ANO2: variants seen among roughly 807,000 people sequenced by gnomAD.
ANO2 encodes anoctamin 2, also known as anoctamin-2.
In ANO2, 101 loss-of-function variants were observed where a neutral mutation model predicts 124.2. The ratio of observed to expected loss-of-function variants is 0.81; its 90% CI spans 0.69 to 0.96. The LOEUF is 0.96. Ranked by LOEUF, ANO2 falls within the 40% of genes least tolerant of loss-of-function variation. The pLI, the probability that ANO2 is intolerant of heterozygous loss-of-function variation, is 0.00. For synonymous variants in ANO2, 486 were observed against 482.5 expected (o/e 1.01, Z -0.09); for missense variants, 1,293 against 1,274.5 (o/e 1.01, Z -0.22).
At chr12:5,933,648 C>T (rs538100993) in intron 1 of ANO2, among the ~76,000 whole-genome samples, 4 of 152,302 alleles carry the variant, frequency 2.6e-5, no homozygotes, top group South Asian at 4.1e-4. Flanking sequence ...TGTCTTGAGG[C>T]TTACAAACAA....
intron 1 of ANO2, among the ~76,000 whole-genome samples, chr12:5,923,244 G>GCACACA (rs1941903495): frequency 9.1e-6 from 1 of 110,402 alleles, no homozygotes; most frequent in African/African-American, 3.8e-5. Flanking sequence ...ATACACACAC[G>GCACACA]CATACACACA....
At chr12:5,896,778 A>T (rs1369924107) in intron 3 of ANO2, among the ~76,000 whole-genome samples, 1 of 152,208 alleles carries the variant, frequency 6.6e-6, no homozygotes, top group Non-Finnish European at 1.5e-5. Flanking sequence ...TGAAGCCCCA[A>T]CTGGTTGGGA....
intron 3 of ANO2, among the ~76,000 whole-genome samples, chr12:5,881,993 T>TG (rs1938534049): frequency 4.0e-5 from 6 of 151,812 alleles, no homozygotes; most frequent in Admixed American, 3.9e-4. Flanking sequence ...TAGAGATGAG[T>TG]GGGTGGGTGG....
At position 5,635,355 on chromosome 12, in the gene ANO2, G is replaced by T; in HGVS notation, c.1621-8C>A. ...TGAGAATGTCAGGGCAATCTGTTTG[G>T]GAAAACAGAGAGAAGTACACATCAG... On this transcript the variant is annotated splice_region_variant and splice_polypyrimidine_tract_variant and intron_variant, in intron 15 of 24. Coordinates refer to ENST00000682330, the MANE Select transcript of ANO2 (RefSeq NM_001364791.2). The surrounding 1 kb of genome is among the most constrained non-coding windows in gnomAD (Gnocchi z 5.2). 6.5e-7 allele frequency: 1 copy of T among 1,544,154 alleles called. No individual in the cohort carries two copies. The highest frequency in any genetic ancestry group is 8.7e-7 in the Non-Finnish European group (1 of 1,149,502).
intron 13 of ANO2, 27 bp from the exon 14 acceptor site, chr12:5,732,657 G>A (rs368811441): frequency 3.1e-5 from 49 of 1,597,478 alleles, no homozygotes; most frequent in Non-Finnish European, 4.0e-5. Flanking sequence ...TGAGTGGTTA[G>A]TAAACAAAAG....
chr12:5,694,716 G>C (rs933936385), intron 14 of ANO2, among the ~76,000 whole-genome samples: 7 of 152,270 alleles, frequency 4.6e-5, no homozygotes, highest in Middle Eastern at 3.4e-3. Context: ...CAAAGGAGTA[G>C]GTTTCTGGTT....
At chr12:5,656,896 T>C (rs977459603) in intron 14 of ANO2, among the ~76,000 whole-genome samples, 1 of 152,228 alleles carries the variant, frequency 6.6e-6, no homozygotes, top group African/African-American at 2.4e-5. Flanking sequence ...TTCTCATCCC[T>C]GTCTTCATGG....
chr12:5,648,143 G>A lies in ANO2; in HGVS notation c.1546-342C>T, dbSNP rs189493979. 7.2e-5 allele frequency among the ~76,000 whole-genome samples: 11 copies of A among 152,202 alleles called. No homozygotes were observed. The East Asian group carries it at 1.4e-3, about 19-fold the overall frequency. On this transcript the variant is annotated intron_variant, in intron 14 of 24. Coordinates refer to ENST00000682330, the MANE Select transcript of ANO2 (RefSeq NM_001364791.2). ...ATTTTTTCATCTGTAAATTGGGCAC[G>A]GTAGTGATACCTGCCCTGCCTACTA...
In ANO2 at chr12:5,658,882, T is replaced by G. The variant is rs1300954788; in HGVS notation, c.1546-11081A>C. On this transcript the variant is annotated intron_variant, in intron 14 of 24. Coordinates refer to ENST00000682330, the MANE Select transcript of ANO2 (RefSeq NM_001364791.2). The surrounding 1 kb of genome is among the most constrained non-coding windows in gnomAD (Gnocchi z 4.3). The stretch of plus-strand genomic sequence containing the variant: ...AATATCATCATCATCATCAACATCA[T>G]TATCATCATTAAAATCATCATCAGC... Among the ~76,000 whole-genome samples, 13 of 152,122 alleles carry G rather than the reference T, an allele frequency of 8.5e-5. No individual in the cohort carries two copies. Among genetic ancestry groups the G allele is most frequent in the Non-Finnish European group, 1.6e-4 (11 of 68,020 alleles).
At chr12:5,618,887 G>A (rs767943353) in intron 16 of ANO2, among the ~76,000 whole-genome samples, 17 of 152,156 alleles carry the variant, frequency 1.1e-4, no homozygotes, top group Non-Finnish European at 2.4e-4. Flanking sequence ...ATCATCTCCC[G>A]TCTCATGGCA....
At chr12:5,896,448 G>A (rs1939797399) in intron 3 of ANO2, among the ~76,000 whole-genome samples, 1 of 152,128 alleles carries the variant, frequency 6.6e-6, no homozygotes, top group Non-Finnish European at 1.5e-5. Context: ...TTAAAATCCT[G>A]ATTAGTATTC....
chr12:5,689,950 T>C (rs1948860971), intron 14 of ANO2, among the ~76,000 whole-genome samples: 1 of 152,210 alleles, frequency 6.6e-6, no homozygotes, highest in South Asian at 2.1e-4. Context: ...GACAAACTCC[T>C]ATAGTGACTG....
intron 14 of ANO2, among the ~76,000 whole-genome samples, chr12:5,673,126 G>T (rs1411985898): frequency 1.3e-5 from 2 of 152,188 alleles, no homozygotes; most frequent in Non-Finnish European, 2.9e-5. Flanking sequence ...ATACAAATGT[G>T]TGTGCATGTT....
At chr12:5,752,217 T>C (rs1213058820) in intron 10 of ANO2, among the ~76,000 whole-genome samples, 1 of 152,190 alleles carries the variant, frequency 6.6e-6, no homozygotes, top group African/African-American at 2.4e-5. Context: ...TTGACTTTAA[T>C]TCCTTAAGAT....
At chr12:5,735,622 T>G (rs1950827912) in intron 13 of ANO2, among the ~76,000 whole-genome samples, 1 of 151,894 alleles carries the variant, frequency 6.6e-6, no homozygotes, top group Admixed American at 6.6e-5. Flanking sequence ...TGCTTCAGAT[T>G]GGGGAGTTGG....
intron 3 of ANO2, among the ~76,000 whole-genome samples, chr12:5,914,157 G>A (rs1025563579): frequency 1.3e-4 from 20 of 151,584 alleles, no homozygotes; most frequent in East Asian, 3.9e-4. Flanking sequence ...CCAAGATTGC[G>A]CTACTGCACT....
chr12:5,818,468 T>C (rs1400198823), intron 7 of ANO2, among the ~76,000 whole-genome samples: 2 of 81,630 alleles, frequency 2.5e-5, no homozygotes, highest in Admixed American at 1.0e-4. Flanking sequence ...TATATATATA[T>C]ATATATATAT....
At chr12:5,802,562 G>A (rs1953074498) in intron 9 of ANO2, among the ~76,000 whole-genome samples, 1 of 152,204 alleles carries the variant, frequency 6.6e-6, no homozygotes, top group Non-Finnish European at 1.5e-5. Context: ...GGATCATGCT[G>A]AACTCCAGCT....
At chr12:5,607,432 T>A (rs1023515039) in intron 19 of ANO2, among the ~76,000 whole-genome samples, 2 of 152,136 alleles carry the variant, frequency 1.3e-5, no homozygotes, top group Non-Finnish European at 2.9e-5. Flanking sequence ...ACCTTTTTTT[T>A]TTTTAAGTTA....
Sources: allele counts gnomAD v4.1 joint callset (sites outside exome capture counted in the v4.1 genomes callset), GRCh38; gene constraint gnomAD v4.1.1; non-coding constraint Gnocchi (gnomAD v3.1); transcripts MANE v1.5; gene names NCBI Gene and HGNC (gene_info 2026-07-23, HGNC 2026-07-21).